Variants in CLSTN2 observed in about 807,000 individuals in gnomAD.
The protein encoded by CLSTN2 is calsyntenin 2, also known as calsyntenin-2.
Under a neutral mutation model 101.2 loss-of-function variants are expected in CLSTN2, and 48 were observed. The observed-to-expected ratio is 0.47, with a 90% CI of 0.38 to 0.60. CLSTN2 has a LOEUF of 0.60. CLSTN2 is among the 20% of genes least tolerant of loss of function. CLSTN2 has a pLI of 0.00. For synonymous variants in CLSTN2, 481 were observed against 463.6 expected, an observed-to-expected ratio of 1.04 and a Z score of -0.48; for missense variants, 1,160 against 1,238.2, an observed-to-expected ratio of 0.94 and a Z score of 0.95.
intron 2 of CLSTN2, among the ~76,000 whole-genome samples, chr3:140,400,303 AGACGTGGTG>A (rs1275876285): frequency 2.5e-4 from 38 of 152,330 alleles, no homozygotes; most frequent in African/African-American, 8.9e-4. Flanking sequence ...TGGGGCAGCA[AGACGTGGTG>A]GACATGCGTA....
At chr3:140,177,936 C>G (rs1315523198) in intron 2 of CLSTN2, among the ~76,000 whole-genome samples, 1 of 152,088 alleles carries the variant, frequency 6.6e-6, no homozygotes, top group African/African-American at 2.4e-5. Flanking sequence ...ATCCCCTTTC[C>G]TCCCAGCCTA....
At chr3:140,388,445 A>G (rs1308666937) in intron 2 of CLSTN2, among the ~76,000 whole-genome samples, 1 of 152,204 alleles carries the variant, frequency 6.6e-6, no homozygotes, top group African/African-American at 2.4e-5. Flanking sequence ...ATCAGCAGTT[A>G]TTTTTGCATC....
At chr3:140,352,234 A>G (rs146689949) in intron 2 of CLSTN2, among the ~76,000 whole-genome samples, 186 of 152,370 alleles carry the variant, frequency 1.2e-3, no homozygotes, top group African/African-American at 4.1e-3. Flanking sequence ...TTCTTTATCA[A>G]TCAAAGCCAA....
chr3:140,546,708 A>G, intron 10 of CLSTN2, 27 bp downstream of exon 10: 1 of 1,583,518 alleles, frequency 6.3e-7, no homozygotes, highest in Non-Finnish European at 8.6e-7. Flanking sequence ...CATCACTCCC[A>G]ATAAGACAGG....
intron 2 of CLSTN2, among the ~76,000 whole-genome samples, chr3:140,233,806 C>T (rs988760755): frequency 6.6e-6 from 1 of 152,054 alleles, no homozygotes; most frequent in Admixed American, 6.5e-5. Flanking sequence ...TTCCACAATC[C>T]CTCTTCCAGA....
intron 1 of CLSTN2, among the ~76,000 whole-genome samples, chr3:139,980,891 C>T (rs1319164482): frequency 6.6e-6 from 1 of 152,104 alleles, no homozygotes; most frequent in Non-Finnish European, 1.5e-5. Flanking sequence ...AGCTATGTGA[C>T]CACAAAAGTG....
intron 2 of CLSTN2, among the ~76,000 whole-genome samples, chr3:140,335,880 G>A (rs911477564): frequency 1.3e-5 from 2 of 152,170 alleles, no homozygotes; most frequent in African/African-American, 4.8e-5. Context: ...GCAGTGGAGA[G>A]GTGGAGTGTC....
chr3:140,257,813 G>T (rs549699191), intron 2 of CLSTN2, among the ~76,000 whole-genome samples: 1 of 152,174 alleles, frequency 6.6e-6, no homozygotes, highest in African/African-American at 2.4e-5. Context: ...AAATGGCATT[G>T]TCATGATTTT....
chr3:140,338,405 C>T lies in CLSTN2; in HGVS notation c.233-65224C>T, dbSNP rs115907990. Among the ~76,000 whole-genome samples, 418 of 152,288 alleles carry T rather than the reference C, an allele frequency of 2.7e-3. 1 individual carries two copies. Among genetic ancestry groups the T allele is most frequent in the African/African-American group, 8.4e-3 (349 of 41,560 alleles). Reference sequence around the variant, plus strand: ...TATCACCACAAGGGCTTCTGTAAGTCGACCCTGCTTATGCCTGGGTTCAAG... The same window carrying T: ...TATCACCACAAGGGCTTCTGTAAGTTGACCCTGCTTATGCCTGGGTTCAAG... On this transcript the variant is annotated intron_variant, in intron 2 of 16. Transcript: ENST00000458420.
intron 6 of CLSTN2, among the ~76,000 whole-genome samples, 188 bp downstream of exon 6, chr3:140,448,892 C>T (rs1264989467): frequency 6.6e-6 from 1 of 152,124 alleles, no homozygotes; most frequent in Non-Finnish European, 1.5e-5. Flanking sequence ...GCAGTAGACT[C>T]CTGACTCAGA....
chr3:140,450,335 G>A (rs778652057), intron 6 of CLSTN2, among the ~76,000 whole-genome samples: 3 of 152,204 alleles, frequency 2.0e-5, no homozygotes, highest in South Asian at 2.1e-4. Flanking sequence ...TCCAGGCCTC[G>A]GGAGCTAGAA....
At chr3:140,129,671 A>G (rs2009492735) in intron 1 of CLSTN2, among the ~76,000 whole-genome samples, 1 of 152,170 alleles carries the variant, frequency 6.6e-6, no homozygotes, top group Non-Finnish European at 1.5e-5. Context: ...GATGCTCAGT[A>G]AATTGTTGAC....
At chr3:139,954,084 C>A (rs1935345334) in intron 1 of CLSTN2, among the ~76,000 whole-genome samples, 1 of 152,144 alleles carries the variant, frequency 6.6e-6, no homozygotes, top group African/African-American at 2.4e-5. Context: ...AGGTAATAAG[C>A]AGAGTACCTG....
chr3:140,418,634 G>C lies in CLSTN2; in HGVS notation c.638-2491G>C, dbSNP rs1314325431. On this transcript the variant is annotated intron_variant, in intron 4 of 16. Coordinates refer to ENST00000458420, the MANE Select transcript of CLSTN2 (RefSeq NM_022131.3). ...CCGGGTTCAAGTGGTTCTCTTGCCT[G>C]AGCCTCCCGAGCCACTGGGATTACA... Among the ~76,000 whole-genome samples the C allele has an allele frequency of 2.7e-5, 4 of 149,942 alleles. No homozygotes were observed. The Admixed American group carries it at 2.7e-4, about 10-fold the overall frequency.
chr3:140,406,367 A>T (rs1357055342), intron 4 of CLSTN2, among the ~76,000 whole-genome samples: 1 of 151,920 alleles, frequency 6.6e-6, no homozygotes, highest in African/African-American at 2.4e-5. Context: ...GACAGAAAAA[A>T]ATAATAATAA....
At chr3:140,562,991 G>T in intron 14 of CLSTN2, 35 bp downstream of exon 14, 2 of 1,612,910 alleles carry the variant, frequency 1.2e-6, no homozygotes, top group Non-Finnish European at 1.7e-6. Flanking sequence ...GGAAGCCAAG[G>T]CTCACCCATT....
intron 2 of CLSTN2, among the ~76,000 whole-genome samples, chr3:140,267,389 A>G (rs528343235): frequency 6.6e-6 from 1 of 152,318 alleles, no homozygotes; most frequent in East Asian, 1.9e-4. Flanking sequence ...CTAGTCTAAC[A>G]GTCTCAGTCC....
At chr3:140,390,521 T>A (rs1576545146) in intron 2 of CLSTN2, among the ~76,000 whole-genome samples, 1 of 152,228 alleles carries the variant, frequency 6.6e-6, no homozygotes. Flanking sequence ...TGTCCCAGCA[T>A]ATGGTCTTTA....
chr3:140,367,851 T>C (rs2087810084), intron 2 of CLSTN2, among the ~76,000 whole-genome samples: 1 of 152,208 alleles, frequency 6.6e-6, no homozygotes, highest in Non-Finnish European at 1.5e-5. Flanking sequence ...TTTGATTAAA[T>C]TAGGGAAGCC....
Sources: allele counts gnomAD v4.1 joint callset (sites outside exome capture counted in the v4.1 genomes callset), GRCh38; gene constraint gnomAD v4.1.1; transcripts MANE v1.5; gene names NCBI Gene and HGNC (gene_info 2026-07-23, HGNC 2026-07-21).